The following C2orf76 variants were observed in gnomAD, a reference collection of about 807,000 sequenced individuals.
C2orf76 encodes the protein UPF0538 protein C2orf76.
C2orf76 carries 23 observed loss-of-function variants against 16.9 expected under a neutral mutation model. That is an observed-to-expected ratio of 1.36 (90% confidence interval 0.98 to 1.93). The LOEUF (loss-of-function observed/expected upper bound fraction) is 1.93. C2orf76 is among the 30% of genes most tolerant of loss of function. The pLI, the probability that C2orf76 is intolerant of heterozygous loss-of-function variation, is 0.00. For synonymous variants in C2orf76, 48 were observed against 52.3 expected (o/e 0.92, Z 0.35); for missense variants, 152 against 152.6 (o/e 1.00, Z 0.02).
the C2orf76 span, among the ~76,000 whole-genome samples, chr2:119,281,387 T>G: frequency 1.3e-5 from 2 of 152,088 alleles, no homozygotes; most frequent in Non-Finnish European, 2.9e-5. Flanking sequence ...TGGTTTTCCG[T>G]TCCAAGAGTT....
chr2:119,340,786 AC>A (rs1680001652), intron 1 of C2orf76, among the ~76,000 whole-genome samples: 1 of 151,642 alleles, frequency 6.6e-6, no homozygotes, highest in Non-Finnish European at 1.5e-5. Flanking sequence ...ACACACACAC[AC>A]ACACACACAC....
intron 1 of C2orf76, among the ~76,000 whole-genome samples, chr2:119,348,762 A>T (rs1236079170): frequency 6.6e-6 from 1 of 152,196 alleles, no homozygotes. Flanking sequence ...TGGAAGCCCA[A>T]GGTGGGCAGG....
the C2orf76 span, among the ~76,000 whole-genome samples, chr2:119,295,461 C>T: frequency 6.6e-6 from 1 of 152,088 alleles, no homozygotes; most frequent in East Asian, 1.9e-4. Flanking sequence ...TGACAGCTCC[C>T]GATCTTACTG....
chr2:119,324,219 T>G (rs565093505), intron 2 of C2orf76, among the ~76,000 whole-genome samples: 60 of 152,252 alleles, frequency 3.9e-4, no homozygotes, highest in Non-Finnish European at 7.4e-4. Context: ...ATCAAATCAG[T>G]CTTATGTTCA....
the C2orf76 span, among the ~76,000 whole-genome samples, chr2:119,294,103 C>G: frequency 6.6e-6 from 1 of 152,084 alleles, no homozygotes; most frequent in Non-Finnish European, 1.5e-5. Flanking sequence ...GAGGACCGAG[C>G]CCTGGGGCCT....
chr2:119,362,738 G>A (rs1204121172), intron 1 of C2orf76, among the ~76,000 whole-genome samples: 2 of 152,048 alleles, frequency 1.3e-5, no homozygotes, highest in Non-Finnish European at 2.9e-5. Context: ...GCCAGCCTAG[G>A]ATACTTCCCT....
chr2:119,316,764 C>T (rs1048121562), intron 4 of C2orf76, among the ~76,000 whole-genome samples: 3 of 152,020 alleles, frequency 2.0e-5, no homozygotes, highest in Non-Finnish European at 2.9e-5. Context: ...TTATATAATA[C>T]AGGAAGATTA....
chr2:119,284,684 T>TG, the C2orf76 span, among the ~76,000 whole-genome samples: 4 of 151,006 alleles, frequency 2.6e-5, no homozygotes, highest in Admixed American at 2.6e-4. Context: ...GATTTTGGTT[T>TG]TTTTTTTTTT....
chr2:119,287,724 T>C, the C2orf76 span, among the ~76,000 whole-genome samples: 1 of 152,066 alleles, frequency 6.6e-6, no homozygotes, highest in Non-Finnish European at 1.5e-5. Flanking sequence ...ATGAAGGAAA[T>C]TCTAGAAGAC....
At chr2:119,343,475 T>TAC (rs59651595) in intron 1 of C2orf76, among the ~76,000 whole-genome samples, 6,628 of 145,930 alleles carry the variant, frequency 0.045, 161 homozygotes, top group Admixed American at 0.08. Flanking sequence ...CACCTATACC[T>TAC]ACACACACAC....
At chr2:119,347,889 T>C (rs1293982410) in intron 1 of C2orf76, among the ~76,000 whole-genome samples, 1 of 151,838 alleles carries the variant, frequency 6.6e-6, no homozygotes, top group Non-Finnish European at 1.5e-5. Flanking sequence ...AGCCAGGAAA[T>C]TGACATTGAT....
At chr2:119,326,205 T>C (rs1186039065) in intron 2 of C2orf76, among the ~76,000 whole-genome samples, 1 of 152,232 alleles carries the variant, frequency 6.6e-6, no homozygotes, top group Admixed American at 6.5e-5. Context: ...GTTTTATAGT[T>C]TTACCTTTTA....
chr2:119,290,284 G>A, the C2orf76 span, among the ~76,000 whole-genome samples: 1 of 151,906 alleles, frequency 6.6e-6, no homozygotes, highest in African/African-American at 2.4e-5. Context: ...CCTATCAATT[G>A]TTGTACTAGG....
rs1312550896 is a variant in C2orf76 at position 119,317,489 on chromosome 2, T to G, written c.199A>C (p.Ile67Leu). The G allele has an allele frequency of 1.2e-6, 2 of 1,604,978 alleles. No individual in the cohort carries two copies. Among genetic ancestry groups the G allele is most frequent in the African/African-American group, 1.3e-5 (1 of 74,796 alleles). ...ACCTTTGATTTATGTGCTTGATGAATAATCTTTAGTGCATCTGAAAGAAAA... is the reference window on the plus strand; with the variant it reads ...ACCTTTGATTTATGTGCTTGATGAAGAATCTTTAGTGCATCTGAAAGAAAA... ...RNYKYDALKI[I>L]HQAHKSKTNE... Residue 67 changes from isoleucine (I) to leucine (L), a missense_variant, in exon 4 of 6, where the codon ATT (isoleucine) becomes CTT (leucine). Coordinates refer to ENST00000334816, the MANE Select transcript of C2orf76 (RefSeq NM_001322331.2).
At chr2:119,343,990 G>A (rs1680119683) in intron 1 of C2orf76, among the ~76,000 whole-genome samples, 1 of 152,220 alleles carries the variant, frequency 6.6e-6, no homozygotes, top group Admixed American at 6.5e-5. Flanking sequence ...CGAAGGCTGG[G>A]CAGGCTGGCA....
chr2:119,330,254 G>C (rs2104583396), intron 2 of C2orf76, among the ~76,000 whole-genome samples: 1 of 151,826 alleles, frequency 6.6e-6, no homozygotes, highest in African/African-American at 2.4e-5. Flanking sequence ...GCACATGCCT[G>C]TAGTCCCAGC....
chr2:119,363,626 G>T (rs1680824715), intron 1 of C2orf76, among the ~76,000 whole-genome samples: 1 of 152,102 alleles, frequency 6.6e-6, no homozygotes, highest in African/African-American at 2.4e-5. Context: ...TTCATTTTCT[G>T]GTGATTAGGT....
At chr2:119,286,870 C>T in the C2orf76 span, among the ~76,000 whole-genome samples, 52 of 152,232 alleles carry the variant, frequency 3.4e-4, no homozygotes, top group African/African-American at 1.2e-3. Context: ...TCCAGCAATT[C>T]TGAGCTGACT....
intron 4 of C2orf76, among the ~76,000 whole-genome samples, chr2:119,314,536 G>T (rs1188256638): frequency 6.6e-6 from 1 of 152,020 alleles, no homozygotes; most frequent in Non-Finnish European, 1.5e-5. Flanking sequence ...AAATATTGGG[G>T]TCTATTTTGG....
Sources: gnomAD v4.1 joint callset for allele counts (sites outside exome capture counted in the v4.1 genomes callset) on GRCh38, gnomAD v4.1.1 for gene constraint, MANE v1.5 for transcripts, NCBI Gene and HGNC (gene_info 2026-07-23, HGNC 2026-07-21) for gene names.